The following MAPK4 variants were observed in gnomAD, a reference collection of about 807,000 sequenced individuals.
MAPK4 encodes the protein Erk3-related.
In MAPK4, 22 loss-of-function variants were observed where a neutral mutation model predicts 47.7. The ratio of observed to expected loss-of-function variants is 0.46; its 90% CI spans 0.33 to 0.66. MAPK4 has a LOEUF of 0.66. Ranked by LOEUF, MAPK4 falls within the 30% of genes least tolerant of loss-of-function variation. The pLI, the probability that MAPK4 is intolerant of heterozygous loss-of-function variation, is 0.02. For missense variants in MAPK4, 736 were observed against 831.7 expected (o/e 0.88, Z 1.42); for synonymous variants, 390 against 365.7 (o/e 1.07, Z -0.76).
At chr18:50,565,642 G>A (rs996155699) in intron 1 of MAPK4, among the ~76,000 whole-genome samples, 1 of 152,194 alleles carries the variant, frequency 6.6e-6, no homozygotes. Flanking sequence ...ATGTGGGACT[G>A]TGAAACTGTA....
At chr18:50,587,325 C>A (rs1001190064) in intron 1 of MAPK4, among the ~76,000 whole-genome samples, 1 of 152,224 alleles carries the variant, frequency 6.6e-6, no homozygotes, top group African/African-American at 2.4e-5. Flanking sequence ...ATGCCATCTG[C>A]AAGGAAGGGA....
rs117707829 is a variant in MAPK4, at chr18:50,678,118, C to A, written c.546+13614C>A. 3.1e-3 allele frequency among the ~76,000 whole-genome samples: 465 copies of A among 152,282 alleles called. 1 individual carries two copies. The highest frequency in any genetic ancestry group is 5.3e-3 in the Non-Finnish European group (358 of 68,020). Reference sequence around the variant, plus strand: ...TGTTCTCAGATACCTAAAATTGTACCACTAATAGTAAATTGTATTGGAGTG... The same window carrying A: ...TGTTCTCAGATACCTAAAATTGTACAACTAATAGTAAATTGTATTGGAGTG... On this transcript the variant is annotated intron_variant, in intron 2 of 5. Coordinates refer to ENST00000400384, the MANE Select transcript of MAPK4 (RefSeq NM_002747.4). This position sits in a 1 kb window ranked among gnomAD's most constrained non-coding sequence, Gnocchi z 4.2.
In MAPK4 at chr18:50,730,744, A is replaced by C; in HGVS notation, c.*890A>C. On this transcript the variant is annotated 3_prime_UTR_variant, in exon 6 of 6. Transcript: ENST00000400384. The stretch of plus-strand genomic sequence containing the variant: ...CCCCACTGGGCGTCCTACCCCAGTG[A>C]GGTTGAAGGCACCAATTCCAAGAAT... 6.6e-6 allele frequency: 1 copy of C among 152,348 alleles called. No homozygotes were observed. The highest frequency in any genetic ancestry group is 2.4e-5 in the African/African-American group (1 of 41,324). 9.4% of individuals were successfully genotyped at this position (152,348 alleles called of 1,614,324 possible).
chr18:50,694,015 CT>C (rs1289554323), intron 2 of MAPK4, among the ~76,000 whole-genome samples: 1 of 152,222 alleles, frequency 6.6e-6, no homozygotes, highest in Non-Finnish European at 1.5e-5. Context: ...GCTGTGGCTT[CT>C]TGCCTCTGAT....
chr18:50,687,890 G>T (rs1462946299), intron 2 of MAPK4, among the ~76,000 whole-genome samples: 7 of 152,120 alleles, frequency 4.6e-5, no homozygotes, highest in Non-Finnish European at 1.0e-4. Context: ...CTAATTTCAG[G>T]TGTCTCCTGG....
At chr18:50,727,562 C>T (rs549743138) in intron 5 of MAPK4, among the ~76,000 whole-genome samples, 6 of 152,318 alleles carry the variant, frequency 3.9e-5, no homozygotes, top group East Asian at 1.9e-4. Flanking sequence ...GTGGTTCCTG[C>T]GGCAGCTTCC....
chr18:50,669,097 C>G (rs747973301), intron 2 of MAPK4: 1 of 152,268 alleles, frequency 6.6e-6, no homozygotes, highest in Non-Finnish European at 1.5e-5. Flanking sequence ...ATACGGACCC[C>G]ACTCCTGACC....
chr18:50,597,544 C>T (rs1474284275), intron 1 of MAPK4, among the ~76,000 whole-genome samples: 2 of 152,206 alleles, frequency 1.3e-5, no homozygotes, highest in African/African-American at 4.8e-5. Context: ...ATTTATAAAT[C>T]TTATTTAGAC....
intron 2 of MAPK4, among the ~76,000 whole-genome samples, chr18:50,674,016 A>G (rs1908116490): frequency 6.6e-6 from 1 of 152,140 alleles, no homozygotes; most frequent in African/African-American, 2.4e-5. Flanking sequence ...TGATTAATGA[A>G]TATTATTAAA....
At position 50,572,804 on chromosome 18, in the gene MAPK4, C is replaced by A. The variant is rs562670570; in HGVS notation, c.-871+12561C>A. Among the ~76,000 whole-genome samples, 2 of 152,288 alleles carry A rather than the reference C, an allele frequency of 1.3e-5. 1 individual carries two copies. The highest frequency in any genetic ancestry group is 4.1e-4 in the South Asian group (2 of 4,832). On this transcript the variant is annotated intron_variant, in intron 1 of 5. Coordinates refer to ENST00000400384, the MANE Select transcript of MAPK4 (RefSeq NM_002747.4). ...TTTGGCTTCTATATTAAGTAACCTT[C>A]TAGTTTTCTCTTCCACCTCTGCTAT...
In MAPK4 at chr18:50,731,053, G is replaced by A. The variant is rs1911537047; in HGVS notation, c.*1199G>A. The A allele has an allele frequency of 6.6e-6, 1 of 152,272 alleles. No homozygotes were observed. The allele number at this position is 152,272 out of a possible 1,614,324, so 9.4% of individuals were successfully genotyped here. The stretch of plus-strand genomic sequence containing the variant: ...TGTTGGAGAGCACGTCGTGACCTTG[G>A]GGGCAAGGAATCCAGAAAGGTAGGA... On this transcript the variant is annotated 3_prime_UTR_variant, in exon 6 of 6. Transcript: ENST00000400384.
At chr18:50,700,656 C>T (rs1004518623) in intron 2 of MAPK4, among the ~76,000 whole-genome samples, 1 of 152,214 alleles carries the variant, frequency 6.6e-6, no homozygotes, top group African/African-American at 2.4e-5. Context: ...CTCTTCCCCT[C>T]CTCAGAGCCG....
chr18:50,631,641 CATTGT>C (rs2042831328), intron 1 of MAPK4, among the ~76,000 whole-genome samples: 1 of 152,178 alleles, frequency 6.6e-6, no homozygotes, highest in Non-Finnish European at 1.5e-5. Flanking sequence ...AGCATCTTCC[CATTGT>C]ATTTAGTACT....
chr18:50,650,791 T>C (rs185390452), intron 1 of MAPK4, among the ~76,000 whole-genome samples: 2 of 152,350 alleles, frequency 1.3e-5, no homozygotes, highest in African/African-American at 2.4e-5. Flanking sequence ...ACATGGTCGA[T>C]ATGTGACTCT....
chr18:50,589,446 A>C (rs2042416269), intron 1 of MAPK4, among the ~76,000 whole-genome samples: 1 of 152,038 alleles, frequency 6.6e-6, no homozygotes, highest in South Asian at 2.1e-4. Context: ...AATACAAAAA[A>C]TTAGCCGAGC....
chr18:50,700,527 A>T (rs1310191700), intron 2 of MAPK4, among the ~76,000 whole-genome samples: 1 of 152,184 alleles, frequency 6.6e-6, no homozygotes, highest in Non-Finnish European at 1.5e-5. Flanking sequence ...AGTGACGCAA[A>T]CATCAGCACT....
chr18:50,640,382 CAAAAAAA>C (rs34039185), intron 1 of MAPK4, among the ~76,000 whole-genome samples: 1 of 128,838 alleles, frequency 7.8e-6, no homozygotes, highest in Admixed American at 7.7e-5. Context: ...TTCTTGTTTA[CAAAAAAA>C]AAAAAAAAAA....
intron 2 of MAPK4, among the ~76,000 whole-genome samples, chr18:50,680,903 T>C (rs1908550091): frequency 6.6e-6 from 1 of 152,192 alleles, no homozygotes; most frequent in South Asian, 2.1e-4. Context: ...CATGTACAAG[T>C]TTTTATGTGG....
At chr18:50,566,474 C>T (rs1270930671) in intron 1 of MAPK4, among the ~76,000 whole-genome samples, 1 of 152,232 alleles carries the variant, frequency 6.6e-6, no homozygotes, top group South Asian at 2.1e-4. Flanking sequence ...ACCCCATCCC[C>T]TTGACACTCA....
Sources: allele counts gnomAD v4.1 joint callset (sites outside exome capture counted in the v4.1 genomes callset), GRCh38; gene constraint gnomAD v4.1.1; non-coding constraint Gnocchi (gnomAD v3.1); transcripts MANE v1.5; gene names NCBI Gene and HGNC (gene_info 2026-07-23, HGNC 2026-07-21).